The following MEOX2 variants were observed in gnomAD, a reference collection of about 807,000 sequenced individuals.
MEOX2 encodes the protein homeobox protein MOX-2.
Under a neutral mutation model 27.0 loss-of-function variants are expected in MEOX2, and 11 were observed. The observed-to-expected ratio is 0.41, with a 90% CI of 0.26 to 0.68. The LOEUF (loss-of-function observed/expected upper bound fraction) is 0.68. Ranked by LOEUF, MEOX2 falls within the 30% of genes least tolerant of loss-of-function variation. MEOX2 has a pLI of 0.33. For synonymous variants in MEOX2, 189 were observed against 155.4 expected (o/e 1.22, Z -1.61); for missense variants, 436 against 385.4 (o/e 1.13, Z -1.10).
chr7:15,636,833 T>C (rs1781486470), intron 1 of MEOX2, among the ~76,000 whole-genome samples: 1 of 152,040 alleles, frequency 6.6e-6, no homozygotes. Context: ...GCTTTCTGGC[T>C]GCATCCTTAA....
intron 1 of MEOX2, among the ~76,000 whole-genome samples, chr7:15,674,512 TG>T (rs1782159868): frequency 6.6e-6 from 1 of 151,844 alleles, no homozygotes; most frequent in Non-Finnish European, 1.5e-5. Context: ...ACTATAAATG[TG>T]AAAGCATTTG....
At chr7:15,676,080 CT>C (rs1439094992) in intron 1 of MEOX2, 1 of 152,176 alleles carries the variant, frequency 6.6e-6, no homozygotes, top group African/African-American at 2.4e-5. Flanking sequence ...TGTCTGAATT[CT>C]GCACACTGCC....
chr7:15,622,976 C>T (rs140417472), intron 2 of MEOX2, among the ~76,000 whole-genome samples: 137 of 152,258 alleles, frequency 9.0e-4, no homozygotes, highest in African/African-American at 2.8e-3. Flanking sequence ...TGTGTGCTCA[C>T]CAGACACCGA....
At chr7:15,677,535 T>C (rs537656354) in intron 1 of MEOX2, 2 of 152,308 alleles carry the variant, frequency 1.3e-5, no homozygotes, top group South Asian at 2.1e-4. Flanking sequence ...CAAAAGAAGA[T>C]TGGAGGACAT....
At position 15,686,419 on chromosome 7, in the gene MEOX2, G is replaced by T. The variant is rs1035812474; in HGVS notation, c.-17C>A. On this transcript the variant is annotated 5_prime_UTR_variant, in exon 1 of 3. Coordinates refer to ENST00000262041, the MANE Select transcript of MEOX2 (RefSeq NM_005924.5). ...GTGTTCCATAGCATGCAAGTTTCGGGTTCCAGGCAGAAGACTTCACGGCGG... is the reference window on the plus strand; with the variant it reads ...GTGTTCCATAGCATGCAAGTTTCGGTTTCCAGGCAGAAGACTTCACGGCGG... The T allele has an allele frequency of 1.3e-6, 2 of 1,554,328 alleles. No individual in the cohort carries two copies. The highest frequency in any genetic ancestry group is 2.4e-5 in the South Asian group (2 of 84,276).
intron 1 of MEOX2, among the ~76,000 whole-genome samples, chr7:15,675,349 T>C (rs546901845): frequency 3.9e-5 from 6 of 152,330 alleles, no homozygotes; most frequent in African/African-American, 1.4e-4. Flanking sequence ...GAGGTAATCA[T>C]GAAATCAGAT....
chr7:15,676,374 G>C (rs1430840382), intron 1 of MEOX2, among the ~76,000 whole-genome samples: 1 of 152,092 alleles, frequency 6.6e-6, no homozygotes, highest in Admixed American at 6.6e-5. Flanking sequence ...TCTGCAACTG[G>C]AACTGCTAAA....
rs1292469796 is a variant in MEOX2, at chr7:15,611,415, G to A, written c.*972C>T. 2 of 152,566 alleles carry A rather than the reference G, an allele frequency of 1.3e-5. No individual in the cohort carries two copies. Among genetic ancestry groups the A allele is most frequent in the Non-Finnish European group, 2.9e-5 (2 of 68,020 alleles). 9.5% of individuals were successfully genotyped at this position (152,566 alleles called of 1,614,324 possible). A position where few individuals can be genotyped will look rare whatever the true frequency, so the allele number is the denominator to read the frequency against. On this transcript the variant is annotated 3_prime_UTR_variant, in exon 3 of 3. Transcript: ENST00000262041. ...ACACTGTTGTCAATCAGGAAGAAATGTTTTCTTGTTAATTAAATCATATTC... is the reference window on the plus strand; with the variant it reads ...ACACTGTTGTCAATCAGGAAGAAATATTTTCTTGTTAATTAAATCATATTC...
At chr7:15,636,618 T>A (rs565714521) in intron 1 of MEOX2, among the ~76,000 whole-genome samples, 2 of 152,224 alleles carry the variant, frequency 1.3e-5, no homozygotes, top group African/African-American at 4.8e-5. Context: ...ATCTGAATCA[T>A]TTCTTTGGAG....
intron 1 of MEOX2, among the ~76,000 whole-genome samples, chr7:15,655,953 T>C (rs1175697822): frequency 6.6e-6 from 1 of 151,802 alleles, no homozygotes; most frequent in Non-Finnish European, 1.5e-5. Flanking sequence ...GATATTAAAA[T>C]CTCCAACTAT....
chr7:15,670,608 T>C (rs1343706893), intron 1 of MEOX2, among the ~76,000 whole-genome samples: 3 of 152,234 alleles, frequency 2.0e-5, no homozygotes, highest in Admixed American at 1.3e-4. Flanking sequence ...ACGTGCTTAG[T>C]GGAGCCAAAC....
At chr7:15,666,742 A>T (rs1490038748) in intron 1 of MEOX2, among the ~76,000 whole-genome samples, 1 of 114,502 alleles carries the variant, frequency 8.7e-6, no homozygotes, top group African/African-American at 3.5e-5. Flanking sequence ...ACAGAGCAAG[A>T]CTCTGTCTCA....
At chr7:15,674,221 C>G (rs757372092) in intron 1 of MEOX2, among the ~76,000 whole-genome samples, 1 of 152,036 alleles carries the variant, frequency 6.6e-6, no homozygotes. Context: ...TAGAATTCCA[C>G]AAACAGAAAT....
chr7:15,650,502 T>C (rs927561463), intron 1 of MEOX2, among the ~76,000 whole-genome samples: 1 of 152,098 alleles, frequency 6.6e-6, no homozygotes, highest in Non-Finnish European at 1.5e-5. Flanking sequence ...GTTTCATACG[T>C]GCAAATAATG....
At chr7:15,643,129 A>G (rs371303471) in intron 1 of MEOX2, among the ~76,000 whole-genome samples, 2 of 152,270 alleles carry the variant, frequency 1.3e-5, no homozygotes, top group South Asian at 2.1e-4. Context: ...CAATCATGCC[A>G]GAAGTTGTGA....
At chr7:15,659,758 CAAAAA>C (rs58319551) in intron 1 of MEOX2, among the ~76,000 whole-genome samples, 2,715 of 54,162 alleles carry the variant, frequency 0.05, 61 homozygotes, top group African/African-American at 0.15. Flanking sequence ...AGACTGCTCT[CAAAAA>C]AAAAAAAAAA....
intron 2 of MEOX2, among the ~76,000 whole-genome samples, chr7:15,621,245 T>C (rs1562595499): frequency 6.6e-6 from 1 of 152,242 alleles, no homozygotes; most frequent in Non-Finnish European, 1.5e-5. Context: ...CTAGAAGATT[T>C]ACTGGAGTGA....
chr7:15,630,931 C>T (rs1342184067), intron 1 of MEOX2, among the ~76,000 whole-genome samples: 2 of 151,882 alleles, frequency 1.3e-5, no homozygotes, highest in African/African-American at 2.4e-5. Flanking sequence ...CAACCTTCTC[C>T]AGGAGTTCTT....
chr7:15,613,427 A>G (rs1041571308), intron 2 of MEOX2, among the ~76,000 whole-genome samples: 2 of 151,250 alleles, frequency 1.3e-5, no homozygotes, highest in South Asian at 4.1e-4. Flanking sequence ...TTAAAGGTCT[A>G]TACATTATCA....
Sources: gnomAD v4.1 joint callset for allele counts (sites outside exome capture counted in the v4.1 genomes callset) on GRCh38, gnomAD v4.1.1 for gene constraint, MANE v1.5 for transcripts, NCBI Gene and HGNC (gene_info 2026-07-23, HGNC 2026-07-21) for gene names.